The following TBC1D22A variants were observed in gnomAD, a reference collection of about 807,000 sequenced individuals.
TBC1D22A encodes the protein putative GTPase activator.
In TBC1D22A, 38 loss-of-function variants were observed where a neutral mutation model predicts 60.2. That is an observed-to-expected ratio of 0.63 (90% CI 0.49 to 0.83). The LOEUF (loss-of-function observed/expected upper bound fraction) is 0.83. TBC1D22A is among the 40% of genes least tolerant of loss of function. TBC1D22A has a pLI of 0.00. For synonymous variants in TBC1D22A, 302 were observed against 281.7 expected (o/e 1.07, Z -0.72); for missense variants, 628 against 701.0 (o/e 0.90, Z 1.18).
At chr22:46,886,901 A>G (rs1213279293) in intron 5 of TBC1D22A, among the ~76,000 whole-genome samples, 3 of 152,238 alleles carry the variant, frequency 2.0e-5, no homozygotes, top group East Asian at 3.8e-4. Context: ...TTTTATTTAC[A>G]CAAATAGGTG....
chr22:46,907,996 C>T lies in TBC1D22A; in HGVS notation c.901-4078C>T, dbSNP rs561988338. On this transcript the variant is annotated intron_variant, in intron 7 of 12. Transcript: ENST00000337137. The stretch of plus-strand genomic sequence containing the variant: ...GGCCTGGTGAGAGAGCACCCATTGC[C>T]GGCGAGGAGGCCAGAGAGCAGGGAG... Among the ~76,000 whole-genome samples the T allele has an allele frequency of 9.8e-5, 15 of 152,288 alleles. No individual in the cohort carries two copies. In the South Asian group the frequency reaches 1.2e-3, roughly 13 times the overall value.
At chr22:47,011,424 G>A (rs565105193) in intron 10 of TBC1D22A, among the ~76,000 whole-genome samples, 2 of 152,326 alleles carry the variant, frequency 1.3e-5, no homozygotes, top group South Asian at 2.1e-4. Flanking sequence ...AAGGTCGAAT[G>A]TGCCCTTTTG....
chr22:47,003,510 GCCAGATACATATACACA>G (rs2061467203), intron 10 of TBC1D22A, among the ~76,000 whole-genome samples: 5 of 113,852 alleles, frequency 4.4e-5, no homozygotes, highest in African/African-American at 1.3e-4. Flanking sequence ...ACACACACCC[GCCAGATACATATACACA>G]CACCCTACAC....
intron 5 of TBC1D22A, 48 bp from the exon 6 acceptor site, chr22:46,891,218 C>A (rs772015148): frequency 1.9e-6 from 3 of 1,543,294 alleles, no homozygotes; most frequent in Non-Finnish European, 2.6e-6. Flanking sequence ...ATAGGGACTC[C>A]ATGAATTAGC....
At chr22:46,864,293 C>G (rs1352181809) in intron 4 of TBC1D22A, among the ~76,000 whole-genome samples, 3 of 152,226 alleles carry the variant, frequency 2.0e-5, no homozygotes, top group Non-Finnish European at 2.9e-5. Flanking sequence ...ATCTGTGGCT[C>G]TCTCATGGTC....
At chr22:46,841,879 G>A (rs1388077800) in intron 4 of TBC1D22A, among the ~76,000 whole-genome samples, 1 of 152,228 alleles carries the variant, frequency 6.6e-6, no homozygotes. Flanking sequence ...CATGTGAGGT[G>A]AAGGATATAA....
intron 8 of TBC1D22A, among the ~76,000 whole-genome samples, chr22:46,950,764 T>C (rs1377274132): frequency 6.6e-6 from 1 of 152,120 alleles, no homozygotes; most frequent in African/African-American, 2.4e-5. Context: ...GAGAGCGCCT[T>C]TTACGAACCC....
At chr22:46,856,686 C>G (rs1413510036) in intron 4 of TBC1D22A, among the ~76,000 whole-genome samples, 2 of 152,140 alleles carry the variant, frequency 1.3e-5, no homozygotes, top group East Asian at 3.8e-4. Flanking sequence ...TTTGCCTTTC[C>G]TTGCTATAGA....
intron 8 of TBC1D22A, among the ~76,000 whole-genome samples, chr22:46,963,383 G>GGTCCCGCAGTGCTCATCACC (rs1177576315): frequency 2.8e-5 from 2 of 71,710 alleles, no homozygotes; most frequent in African/African-American, 8.3e-5. Flanking sequence ...AGTGCCCAAG[G>GGTCCCGCAGTGCTCATCACC]CTGGAAAGGC....
At chr22:46,877,646 G>A (rs2054930943) in intron 4 of TBC1D22A, among the ~76,000 whole-genome samples, 1 of 152,206 alleles carries the variant, frequency 6.6e-6, no homozygotes, top group South Asian at 2.1e-4. Flanking sequence ...AAGATTAGAT[G>A]TCAGGACTTT....
chr22:46,927,262 G>A (rs922294563), intron 8 of TBC1D22A, among the ~76,000 whole-genome samples: 4 of 152,192 alleles, frequency 2.6e-5, no homozygotes, highest in African/African-American at 9.6e-5. Flanking sequence ...ATTATTACAA[G>A]TGGAATTTAT....
intron 11 of TBC1D22A, among the ~76,000 whole-genome samples, chr22:47,038,086 T>G (rs1198415430): frequency 6.6e-6 from 1 of 152,228 alleles, no homozygotes; most frequent in South Asian, 2.1e-4. Context: ...AGATGTTTGC[T>G]GAAGCGGAGG....
intron 1 of TBC1D22A, among the ~76,000 whole-genome samples, chr22:46,767,307 T>C (rs952478807): frequency 1.3e-5 from 2 of 152,222 alleles, no homozygotes; most frequent in African/African-American, 4.8e-5. Context: ...TCAGTGTCTG[T>C]ATCTGTAGCA....
At chr22:46,880,694 C>A (rs183168320) in intron 5 of TBC1D22A, among the ~76,000 whole-genome samples, 2 of 151,934 alleles carry the variant, frequency 1.3e-5, no homozygotes, top group African/African-American at 4.8e-5. Flanking sequence ...AGTACCACAG[C>A]GTGGGGGCAG....
At chr22:46,840,759 A>G (rs2086722367) in intron 4 of TBC1D22A, among the ~76,000 whole-genome samples, 1 of 152,056 alleles carries the variant, frequency 6.6e-6, no homozygotes, top group Admixed American at 6.6e-5. Context: ...ACAAATGATA[A>G]CAAGCATTCG....
At chr22:46,835,009 A>G (rs1473298649) in intron 4 of TBC1D22A, among the ~76,000 whole-genome samples, 1 of 152,206 alleles carries the variant, frequency 6.6e-6, no homozygotes, top group Non-Finnish European at 1.5e-5. Context: ...GCTTTGTGGG[A>G]TTGAGATAAG....
At chr22:46,890,449 A>AT (rs2068337589) in intron 5 of TBC1D22A, among the ~76,000 whole-genome samples, 1 of 152,210 alleles carries the variant, frequency 6.6e-6, no homozygotes, top group South Asian at 2.1e-4. Flanking sequence ...ATCAGGTGTC[A>AT]TAAGTCATCT....
intron 11 of TBC1D22A, among the ~76,000 whole-genome samples, chr22:47,037,732 C>A (rs1012420901): frequency 3.3e-5 from 5 of 152,202 alleles, no homozygotes; most frequent in Admixed American, 2.6e-4. Context: ...CTCTTTGTGG[C>A]TGAGTTTCAT....
At chr22:46,925,375 C>T (rs1002620248) in intron 8 of TBC1D22A, among the ~76,000 whole-genome samples, 8 of 152,244 alleles carry the variant, frequency 5.3e-5, no homozygotes, top group East Asian at 1.9e-4. Context: ...TGTGGAATAG[C>T]GAAGTGGAGG....
Sources: allele counts gnomAD v4.1 joint callset (sites outside exome capture counted in the v4.1 genomes callset), GRCh38; gene constraint gnomAD v4.1.1; transcripts MANE v1.5; gene names NCBI Gene and HGNC (gene_info 2026-07-23, HGNC 2026-07-21).